ACSM3: variants seen among roughly 807,000 people sequenced by gnomAD.
ACSM3 encodes acyl-coenzyme A synthetase ACSM3, mitochondrial.
Under a neutral mutation model 74.1 loss-of-function variants are expected in ACSM3, and 61 were observed. The ratio of observed to expected loss-of-function variants is 0.82; its 90% CI spans 0.67 to 1.02. The LOEUF (loss-of-function observed/expected upper bound fraction) is 1.02, where lower values mean the gene tolerates loss of function less well. Ranked by LOEUF, ACSM3 falls within the 50% of genes least tolerant of loss-of-function variation. The pLI is 0.00. For missense variants in ACSM3, 660 were observed against 697.0 expected, an observed-to-expected ratio of 0.95 and a Z score of 0.60; for synonymous variants, 213 against 241.5, an observed-to-expected ratio of 0.88 and a Z score of 1.09.
rs774331823 is a variant in ACSM3, at chr16:20,793,449, A to G, written c.1554+1114A>G. Among the ~76,000 whole-genome samples the G allele has an allele frequency of 9.9e-5, 15 of 152,188 alleles. 1 individual carries two copies. Among genetic ancestry groups the G allele is most frequent in the African/African-American group, 3.4e-4 (14 of 41,438 alleles). On this transcript the variant is annotated intron_variant, in intron 12 of 13. Transcript: ENST00000289416. The stretch of plus-strand genomic sequence containing the variant: ...GTGCCACTGTGCTCCAGCCTGGCTA[A>G]CAGAACAAGACTCCGCCTCAAAAAA...
In ACSM3 at chr16:20,790,750, C is replaced by T. The variant is rs1339728168; in HGVS notation, c.1326+62C>T. The T allele has an allele frequency of 9.3e-6, 15 of 1,613,422 alleles. No homozygotes were observed. The highest frequency in any genetic ancestry group is 5.3e-5 in the African/African-American group (4 of 74,908). On this transcript the variant is annotated intron_variant, in intron 10 of 13. Coordinates refer to ENST00000289416, the MANE Select transcript of ACSM3 (RefSeq NM_005622.4). This position sits in a 1 kb window ranked among gnomAD's most constrained non-coding sequence, Gnocchi z 4.0. ...TTTCTCAAGTGCTTGGTAACAATCC[C>T]TGTTTGCCACAAAACATACCTAGGA...
chr16:20,736,137 A>G (rs1329278186), intron 1 of ACSM3: 2 of 152,360 alleles, frequency 1.3e-5, no homozygotes, highest in East Asian at 1.9e-4. Flanking sequence ...ACAATGGGAC[A>G]GGAGAGCTTG....
chr16:20,716,766 G>A (rs1026612316), intron 1 of ACSM3, among the ~76,000 whole-genome samples: 2 of 152,088 alleles, frequency 1.3e-5, no homozygotes, highest in African/African-American at 4.8e-5. Flanking sequence ...TACCAGCGTT[G>A]GCCCCCTGGA....
At chr16:20,692,165 T>A (rs548827901) in intron 1 of ACSM3, among the ~76,000 whole-genome samples, 1 of 152,242 alleles carries the variant, frequency 6.6e-6, no homozygotes, top group South Asian at 2.1e-4. Flanking sequence ...AGAGTTAAAC[T>A]CTGTAAAATA....
chr16:20,737,275 T>C (rs997805331), intron 1 of ACSM3: 1 of 1,611,730 alleles, frequency 6.2e-7, no homozygotes, highest in African/African-American at 1.3e-5. Context: ...GAATTGAGGG[T>C]GCACACTATT....
At position 20,792,070 on chromosome 16, in the gene ACSM3, G is replaced by A. The variant is rs1190722308; in HGVS notation, c.1395G>A (p.Met465Ile). 1 of 1,614,142 alleles carries A rather than the reference G, an allele frequency of 6.2e-7. No homozygotes were observed. The highest frequency in any genetic ancestry group is 2.2e-5 in the East Asian group (1 of 44,884). Residue 465 changes from methionine (M) to isoleucine (I), a missense_variant, in exon 11 of 14, where the codon ATG becomes ATA. Coordinates refer to ENST00000289416, the MANE Select transcript of ACSM3 (RefSeq NM_005622.4). ...NFYITGDRGYMDKDGYFWFVA... is the reference protein window; with the variant it reads ...NFYITGDRGYIDKDGYFWFVA... The stretch of plus-strand genomic sequence containing the variant: ...ATATCACTGGGGACAGAGGATATAT[G>A]GATAAAGATGGGTATTTCTGGTTTG...
At chr16:20,796,539 C>G (rs748855514) in intron 13 of ACSM3, 50 bp downstream of exon 13, 1 of 1,596,526 alleles carries the variant, frequency 6.3e-7, no homozygotes, top group African/African-American at 1.4e-5. Flanking sequence ...TGGACAATTT[C>G]AAGTGTTTAT....
intron 2 of ACSM3, among the ~76,000 whole-genome samples, chr16:20,771,621 T>G (rs1438337500): frequency 6.6e-6 from 1 of 152,172 alleles, no homozygotes; most frequent in Non-Finnish European, 1.5e-5. Flanking sequence ...CACATTTTCT[T>G]TATCCATTCA....
intron 9 of ACSM3, chr16:20,789,697 T>G: frequency 1.6e-6 from 1 of 622,298 alleles, no homozygotes; most frequent in Non-Finnish European, 2.8e-6. Flanking sequence ...TTTTTTTTTT[T>G]TTTTTTGAGA....
intron 2 of ACSM3, among the ~76,000 whole-genome samples, chr16:20,774,901 G>A (rs749666591): frequency 1.1e-4 from 17 of 152,334 alleles, no homozygotes; most frequent in Admixed American, 7.8e-4. Context: ...AGATGGCAAT[G>A]CAGGCACAAA....
intron 1 of ACSM3, among the ~76,000 whole-genome samples, chr16:20,707,953 T>A (rs2079732486): frequency 6.6e-6 from 1 of 152,192 alleles, no homozygotes; most frequent in Admixed American, 6.5e-5. Context: ...GTCAGTGAGA[T>A]GCAAGAAAAC....
At chr16:20,751,776 G>A (rs1048990188) in intron 2 of ACSM3, among the ~76,000 whole-genome samples, 1 of 152,098 alleles carries the variant, frequency 6.6e-6, no homozygotes, top group Non-Finnish European at 1.5e-5. Context: ...TCCCTTGGGG[G>A]TTTTATGAGA....
intron 1 of ACSM3, among the ~76,000 whole-genome samples, chr16:20,705,153 A>C (rs1164069734): frequency 6.6e-6 from 1 of 152,184 alleles, no homozygotes; most frequent in African/African-American, 2.4e-5. Context: ...CGGGCAGATC[A>C]CGAGGTCAGG....
chr16:20,713,323 AGTAGTGATTCCTAAGGTAGTG>A (rs537719313), intron 1 of ACSM3, among the ~76,000 whole-genome samples: 1 of 152,382 alleles, frequency 6.6e-6, no homozygotes, highest in South Asian at 2.1e-4. Flanking sequence ...GTCATTCAAC[AGTAGTGATTCCTAAGGTAGTG>A]GTATTTATAT....
intron 12 of ACSM3, among the ~76,000 whole-genome samples, chr16:20,794,749 ATC>A (rs1260552307): frequency 6.6e-6 from 1 of 152,182 alleles, no homozygotes; most frequent in Non-Finnish European, 1.5e-5. Context: ...AATCATCATA[ATC>A]TCTTTTACAG....
chr16:20,742,623 C>G (rs2079936884), intron 1 of ACSM3, among the ~76,000 whole-genome samples: 1 of 136,464 alleles, frequency 7.3e-6, no homozygotes, highest in Non-Finnish European at 1.6e-5. Flanking sequence ...AGCCTGGCAA[C>G]AAAGCGAGGC....
At chr16:20,734,280 T>C (rs2079849982) in intron 1 of ACSM3, 1 of 152,630 alleles carries the variant, frequency 6.6e-6, no homozygotes, top group Non-Finnish European at 1.5e-5. Flanking sequence ...AATAGAATCT[T>C]TGTCTTGGAG....
intron 1 of ACSM3, among the ~76,000 whole-genome samples, chr16:20,696,886 T>C (rs889779519): frequency 3.9e-5 from 6 of 152,218 alleles, no homozygotes; most frequent in African/African-American, 1.2e-4. Context: ...GTCTCTGTTG[T>C]CTAGCAGCTG....
At chr16:20,725,078 A>G (rs972388409) in intron 1 of ACSM3, among the ~76,000 whole-genome samples, 5 of 152,214 alleles carry the variant, frequency 3.3e-5, no homozygotes, top group Admixed American at 3.3e-4. Context: ...TGCCAAGTCA[A>G]TCCTAAGCCA....
Sources: gnomAD v4.1 joint callset for allele counts (sites outside exome capture counted in the v4.1 genomes callset) on GRCh38, gnomAD v4.1.1 for gene constraint, Gnocchi (gnomAD v3.1) non-coding constraint, MANE v1.5 for transcripts, NCBI Gene and HGNC (gene_info 2026-07-23, HGNC 2026-07-21) for gene names.